The following GABRR2 variants were observed in gnomAD, a reference collection of about 807,000 sequenced individuals.
GABRR2 encodes the protein gamma-aminobutyric acid receptor subunit rho-2.
GABRR2 carries 36 observed loss-of-function variants against 47.0 expected under a neutral mutation model. The ratio of observed to expected loss-of-function variants is 0.77; its 90% CI spans 0.59 to 1.01. The LOEUF is 1.01. Among genes scored for constraint, GABRR2 ranks in the 50% least tolerant of loss-of-function variants. The pLI, the probability that GABRR2 is intolerant of heterozygous loss-of-function variation, is 0.00. For missense variants in GABRR2, 587 were observed against 594.6 expected, an observed-to-expected ratio of 0.99 and a Z score of 0.13; for synonymous variants, 204 against 227.5, an observed-to-expected ratio of 0.90 and a Z score of 0.93.
In GABRR2 at chr6:89,280,211, AATATATATATATATATAT is replaced by A. The variant is rs35295435; in HGVS notation, c.221-8507_221-8490del. The stretch of plus-strand genomic sequence containing the variant: ...ATGACAGAGACTTAGTCTAAAAACA[AATATATATATATATATAT>A]ATATATATATATATATATATATATA... On this transcript the variant is annotated intron_variant, in intron 2 of 8. Transcript: ENST00000402938. Among the ~76,000 whole-genome samples, 847 of 110,426 alleles carry A rather than the reference AATATATATATATATATAT, an allele frequency of 7.7e-3. 9 individuals are homozygous for A. The highest frequency in any genetic ancestry group is 0.02 in the Middle Eastern group (4 of 198). 72.4% of individuals were successfully genotyped at this position (110,426 alleles called of 152,430 possible). A position where few individuals can be genotyped will look rare whatever the true frequency, so the allele number is the denominator to read the frequency against.
chr6:89,258,617 A>G (rs1322279534), intron 8 of GABRR2, among the ~76,000 whole-genome samples: 4 of 150,688 alleles, frequency 2.7e-5, no homozygotes, highest in African/African-American at 4.9e-5. Context: ...GCTACTCAGG[A>G]GGCTGAGGCA....
At chr6:89,274,130 G>A (rs1265511985) in intron 2 of GABRR2, among the ~76,000 whole-genome samples, 2 of 152,238 alleles carry the variant, frequency 1.3e-5, no homozygotes, top group African/African-American at 4.8e-5. Flanking sequence ...GAGCTCCAGT[G>A]CCCTTTTAAG....
At position 89,287,869 on chromosome 6, in the gene GABRR2, G is replaced by T. The variant is rs115817556; in HGVS notation, c.220+11890C>A. ...TGTACTGTGCTAGAGACATCACACA[G>T]ATTACTCACTTAATTCTTAGAACTC... On this transcript the variant is annotated intron_variant, in intron 2 of 8. Transcript: ENST00000402938. Among the ~76,000 whole-genome samples the T allele has an allele frequency of 6.1e-3, 925 of 152,310 alleles. 9 individuals carry two copies. The highest frequency in any genetic ancestry group is 0.021 in the African/African-American group (882 of 41,578).
At chr6:89,309,268 C>G (rs1767634075) in intron 1 of GABRR2, among the ~76,000 whole-genome samples, 1 of 152,132 alleles carries the variant, frequency 6.6e-6, no homozygotes. Flanking sequence ...ATTTGCACAT[C>G]CTCCAGACGT....
intron 1 of GABRR2, chr6:89,303,037 C>T: frequency 8.8e-7 from 1 of 1,137,030 alleles, no homozygotes; most frequent in Non-Finnish European, 1.2e-6. Flanking sequence ...CCAGCAGTAC[C>T]AGGACTCCAT....
intron 8 of GABRR2, among the ~76,000 whole-genome samples, chr6:89,263,337 G>GT (rs1773794767): frequency 6.6e-6 from 1 of 152,070 alleles, no homozygotes; most frequent in Admixed American, 6.5e-5. Context: ...TTAATCGACT[G>GT]TTTATCTTAT....
chr6:89,261,901 G>A (rs1773754323), intron 8 of GABRR2, among the ~76,000 whole-genome samples: 1 of 152,008 alleles, frequency 6.6e-6, no homozygotes, highest in African/African-American at 2.4e-5. Context: ...TAGCTGGGCG[G>A]GGTGGCGCAT....
At chr6:89,314,151 C>T (rs1767723768) in intron 1 of GABRR2, among the ~76,000 whole-genome samples, 1 of 151,654 alleles carries the variant, frequency 6.6e-6, no homozygotes, top group Non-Finnish European at 1.5e-5. Context: ...TTGTCATTGA[C>T]AGCAGCGCAT....
intron 2 of GABRR2, among the ~76,000 whole-genome samples, chr6:89,277,869 G>T (rs1038171193): frequency 3.1e-4 from 7 of 22,926 alleles, no homozygotes; most frequent in East Asian, 4.1e-3. Context: ...GGGCGGGGGT[G>T]GGGGGGGGTG....
At chr6:89,284,646 G>A (rs768676913) in intron 2 of GABRR2, among the ~76,000 whole-genome samples, 2 of 152,222 alleles carry the variant, frequency 1.3e-5, no homozygotes, top group Non-Finnish European at 2.9e-5. Flanking sequence ...TAGAACCCAG[G>A]AAGTGCAAGA....
chr6:89,273,096 G>A (rs551447067), intron 2 of GABRR2, among the ~76,000 whole-genome samples: 3 of 152,288 alleles, frequency 2.0e-5, no homozygotes, highest in South Asian at 2.1e-4. Flanking sequence ...GTTCTTAAAC[G>A]TGAAAGAAAA....
intron 8 of GABRR2, among the ~76,000 whole-genome samples, chr6:89,259,506 TG>T (rs1169599136): frequency 4.7e-4 from 65 of 137,178 alleles, no homozygotes; most frequent in South Asian, 4.6e-4. Context: ...TTTTTTGTTT[TG>T]TTTTTTTTGT....
chr6:89,286,539 C>A (rs1774337156), intron 2 of GABRR2, among the ~76,000 whole-genome samples: 1 of 151,914 alleles, frequency 6.6e-6, no homozygotes, highest in East Asian at 1.9e-4. Flanking sequence ...ACAATTTTTA[C>A]TTGTTAATTA....
intron 8 of GABRR2, among the ~76,000 whole-genome samples, chr6:89,263,847 T>C (rs1463762888): frequency 6.6e-6 from 1 of 152,218 alleles, no homozygotes; most frequent in African/African-American, 2.4e-5. Flanking sequence ...TCCAATTTCC[T>C]TCTGCAGCTA....
In GABRR2 at chr6:89,255,239, C is replaced by T. The variant is rs1384753324; in HGVS notation, c.*2431G>A. Among the ~76,000 whole-genome samples the T allele has an allele frequency of 1.3e-5, 2 of 152,028 alleles. No homozygotes were observed. The highest frequency in any genetic ancestry group is 2.9e-5 in the Non-Finnish European group (2 of 68,022). ...ATCACCTGAGGTCAGGAGTTCAAGA[C>T]CAGGCTGACTAACATGGAGAAACCC... is the stretch of plus-strand genomic sequence containing the variant. On this transcript the variant is annotated 3_prime_UTR_variant, in exon 9 of 9. Coordinates refer to ENST00000402938, the MANE Select transcript of GABRR2 (RefSeq NM_002043.5).
At chr6:89,272,757 T>TG (rs1165913110) in intron 2 of GABRR2, among the ~76,000 whole-genome samples, 1 of 152,114 alleles carries the variant, frequency 6.6e-6, no homozygotes, top group East Asian at 1.9e-4. Flanking sequence ...GGGAGAACCT[T>TG]GGGGGGACTT....
chr6:89,259,004 A>G (rs557967326), intron 8 of GABRR2, among the ~76,000 whole-genome samples: 99 of 151,812 alleles, frequency 6.5e-4, no homozygotes, highest in Non-Finnish European at 1.2e-3. Flanking sequence ...CTGAATGTAT[A>G]TGACCCTATT....
intron 6 of GABRR2, 24 bp downstream of exon 6, chr6:89,267,655 C>G: frequency 3.1e-6 from 5 of 1,597,510 alleles, no homozygotes; most frequent in Non-Finnish European, 4.3e-6. Context: ...ACATTTGAAT[C>G]AGATTGTGGC....
chr6:89,275,304 C>T (rs547854075), intron 2 of GABRR2, among the ~76,000 whole-genome samples: 14 of 152,248 alleles, frequency 9.2e-5, no homozygotes, highest in African/African-American at 2.6e-4. Flanking sequence ...GACAAAGTCT[C>T]GCTCTGTCAC....
Sources: allele counts gnomAD v4.1 joint callset (sites outside exome capture counted in the v4.1 genomes callset), GRCh38; gene constraint gnomAD v4.1.1; transcripts MANE v1.5; gene names NCBI Gene and HGNC (gene_info 2026-07-23, HGNC 2026-07-21).